Variants in IGF2BP3 observed in about 807,000 individuals in gnomAD.
The protein encoded by IGF2BP3 is insulin-like growth factor 2 mRNA-binding protein 3.
IGF2BP3 carries 9 observed loss-of-function variants against 73.8 expected under a neutral mutation model. The observed-to-expected ratio is 0.12, with a 90% CI of 0.07 to 0.21. The LOEUF is 0.21. Among genes scored for constraint, IGF2BP3 ranks in the 10% least tolerant of loss-of-function variants. The pLI, the probability that IGF2BP3 is intolerant of heterozygous loss-of-function variation, is 1.00. For synonymous variants in IGF2BP3, 258 were observed against 256.7 expected (o/e 1.01, Z -0.05); for missense variants, 542 against 714.0 (o/e 0.76, Z 2.75).
At chr7:23,358,656 T>G (rs567460860) in intron 5 of IGF2BP3, among the ~76,000 whole-genome samples, 2 of 152,336 alleles carry the variant, frequency 1.3e-5, no homozygotes, top group East Asian at 1.9e-4. Context: ...TGTTTACGCT[T>G]TCTCTGCTAC....
intron 2 of IGF2BP3, among the ~76,000 whole-genome samples, chr7:23,422,943 C>T (rs895389481): frequency 2.6e-5 from 4 of 152,156 alleles, no homozygotes; most frequent in African/African-American, 9.6e-5. Context: ...TTATTAGATG[C>T]CCACTAACTT....
Position 23,324,989 on chromosome 7 carries a change from G to C in IGF2BP3, c.1204-5735C>G, listed in dbSNP as rs1255516067. On this transcript the variant is annotated intron_variant, in intron 10 of 14. Coordinates refer to ENST00000258729, the MANE Select transcript of IGF2BP3 (RefSeq NM_006547.3). ...CATACTGAATGGGCAAAAACTGGAA[G>C]CATTCCCTTTGAAAACTGGCACAAG... Among the ~76,000 whole-genome samples the C allele has an allele frequency of 2.2e-3, 338 of 150,962 alleles. 3 individuals carry two copies. Among genetic ancestry groups the C allele is most frequent in the African/African-American group, 7.9e-3 (320 of 40,668 alleles).
At chr7:23,467,058 AT>A (rs1452288280) in intron 2 of IGF2BP3, among the ~76,000 whole-genome samples, 1 of 152,220 alleles carries the variant, frequency 6.6e-6, no homozygotes, top group Admixed American at 6.5e-5. Flanking sequence ...TCGATTTTCA[AT>A]TCTTGTTAAA....
intron 2 of IGF2BP3, among the ~76,000 whole-genome samples, chr7:23,428,711 T>C (rs1190581913): frequency 1.4e-5 from 2 of 148,032 alleles, no homozygotes; most frequent in East Asian, 3.9e-4. Context: ...TCTTTTTCTT[T>C]TTTTCTTTTT....
In IGF2BP3 at chr7:23,468,529, C is replaced by A; in HGVS notation, c.189G>T (p.Leu63=). Residue 63 remains leucine (L), a synonymous_variant, in exon 2 of 15, where the codon CTG becomes CTT. Coordinates refer to ENST00000258729, the MANE Select transcript of IGF2BP3 (RefSeq NM_006547.3). ...GCTCAACTTCTATGGGTTTCCCGTG[C>A]AGTTCTATTTTACCTGCGGACACAC... ...AIEALSGKIE[L]HGKPIEVEHS... 1 of 1,614,222 alleles carries A rather than the reference C, an allele frequency of 6.2e-7. No homozygotes were observed. The highest frequency in any genetic ancestry group is 8.5e-7 in the Non-Finnish European group (1 of 1,180,032).
At chr7:23,400,991 G>T (rs988133685) in intron 3 of IGF2BP3, among the ~76,000 whole-genome samples, 1 of 152,084 alleles carries the variant, frequency 6.6e-6, no homozygotes, top group Non-Finnish European at 1.5e-5. Flanking sequence ...GTAGAGACGG[G>T]GGTTTCACCA....
At chr7:23,459,689 G>A (rs1788400014) in intron 2 of IGF2BP3, among the ~76,000 whole-genome samples, 1 of 151,980 alleles carries the variant, frequency 6.6e-6, no homozygotes, top group African/African-American at 2.4e-5. Context: ...AAATTAGCTG[G>A]GTGTGGTGGT....
At position 23,323,017 on chromosome 7, in the gene IGF2BP3, C is replaced by A. The variant is rs142714755; in HGVS notation, c.1204-3763G>T. ...ACTAGGAAGAAACTGCATGAACTAA[C>A]GAGCAAAATAACCAGCTAACATCAT... is the stretch of plus-strand genomic sequence containing the variant. On this transcript the variant is annotated intron_variant, in intron 10 of 14. Coordinates refer to ENST00000258729, the MANE Select transcript of IGF2BP3 (RefSeq NM_006547.3). 1.6e-4 allele frequency among the ~76,000 whole-genome samples: 25 copies of A among 152,202 alleles called. 1 individual carries two copies. The highest frequency in any genetic ancestry group is 4.4e-5 in the Non-Finnish European group (3 of 68,030).
At chr7:23,419,820 T>C (rs1787294072) in intron 2 of IGF2BP3, among the ~76,000 whole-genome samples, 1 of 152,184 alleles carries the variant, frequency 6.6e-6, no homozygotes, top group South Asian at 2.1e-4. Context: ...ATCACGGCAC[T>C]GCAGCCTGGG....
chr7:23,341,097 G>A (rs1021952411), intron 10 of IGF2BP3, among the ~76,000 whole-genome samples: 7 of 152,040 alleles, frequency 4.6e-5, no homozygotes, highest in African/African-American at 1.2e-4. Flanking sequence ...TGATCCTCCC[G>A]CCTCGGCCTC....
intron 6 of IGF2BP3, among the ~76,000 whole-genome samples, chr7:23,348,400 G>GA (rs1342947416): frequency 6.6e-6 from 1 of 152,128 alleles, no homozygotes; most frequent in African/African-American, 2.4e-5. Flanking sequence ...AATTGAGATA[G>GA]AAAAAATTAA....
intron 3 of IGF2BP3, among the ~76,000 whole-genome samples, chr7:23,392,451 T>TATATACAC (rs367599162): frequency 1.4e-5 from 2 of 144,224 alleles, no homozygotes; most frequent in African/African-American, 5.2e-5. Context: ...TATATATATA[T>TATATACAC]ACACACACAC....
chr7:23,336,880 G>A (rs548463392), intron 10 of IGF2BP3, among the ~76,000 whole-genome samples: 6 of 152,096 alleles, frequency 3.9e-5, no homozygotes, highest in Middle Eastern at 3.4e-3. Context: ...CCCAGGATGC[G>A]GAGTTTGCAG....
intron 3 of IGF2BP3, among the ~76,000 whole-genome samples, chr7:23,405,454 CAA>C (rs1584000839): frequency 1.3e-5 from 2 of 152,218 alleles, no homozygotes; most frequent in African/African-American, 4.8e-5. Flanking sequence ...GACTCAGCAG[CAA>C]AAAACTTTCA....
intron 3 of IGF2BP3, among the ~76,000 whole-genome samples, chr7:23,370,008 T>C (rs1583948043): frequency 6.6e-6 from 1 of 152,332 alleles, no homozygotes; most frequent in South Asian, 2.1e-4. Context: ...CAGCAGTTAC[T>C]ACCCTTCTGT....
At chr7:23,391,203 G>A (rs193157361) in intron 3 of IGF2BP3, among the ~76,000 whole-genome samples, 2 of 149,906 alleles carry the variant, frequency 1.3e-5, no homozygotes, top group African/African-American at 2.5e-5. Context: ...GGGTTCAAGC[G>A]ATTCTTGTGC....
chr7:23,373,712 T>C (rs1011709582), intron 3 of IGF2BP3, among the ~76,000 whole-genome samples: 12 of 152,228 alleles, frequency 7.9e-5, no homozygotes, highest in Non-Finnish European at 1.6e-4. Flanking sequence ...TGATATGGTT[T>C]GAACATTGTG....
At chr7:23,418,320 A>G (rs189846542) in intron 3 of IGF2BP3, among the ~76,000 whole-genome samples, 1 of 152,198 alleles carries the variant, frequency 6.6e-6, no homozygotes, top group African/African-American at 2.4e-5. Flanking sequence ...CAATTGTGCT[A>G]AATAGTTTGT....
chr7:23,377,724 T>G (rs959531421), intron 3 of IGF2BP3, among the ~76,000 whole-genome samples: 54 of 152,170 alleles, frequency 3.5e-4, no homozygotes, highest in Non-Finnish European at 8.8e-5. Context: ...AGCTGCTGGA[T>G]GGATAAACAG....
Sources: gnomAD v4.1 joint callset for allele counts (sites outside exome capture counted in the v4.1 genomes callset) on GRCh38, gnomAD v4.1.1 for gene constraint, MANE v1.5 for transcripts, NCBI Gene and HGNC (gene_info 2026-07-23, HGNC 2026-07-21) for gene names.